Variants in KPNA3 observed in about 807,000 individuals in gnomAD.
KPNA3 encodes karyopherin subunit alpha 3.
In KPNA3, 13 loss-of-function variants were observed where a neutral mutation model predicts 73.8. That is an observed-to-expected ratio of 0.18 (90% confidence interval 0.11 to 0.28). The LOEUF is 0.28. KPNA3 is among the 10% of genes least tolerant of loss of function. The pLI, the probability that KPNA3 is intolerant of heterozygous loss-of-function variation, is 1.00. For synonymous variants in KPNA3, 186 were observed against 206.9 expected (o/e 0.90, Z 0.87); for missense variants, 360 against 618.1 (o/e 0.58, Z 4.43).
chr13:49,708,230 C>T (rs151255585), intron 12 of KPNA3, among the ~76,000 whole-genome samples: 2,992 of 152,132 alleles, frequency 0.02, 110 homozygotes, highest in African/African-American at 0.068. Flanking sequence ...CTCCTGACCT[C>T]GTGATCTGCC....
intron 1 of KPNA3, among the ~76,000 whole-genome samples, chr13:49,783,150 T>A (rs1289974949): frequency 6.6e-6 from 1 of 151,986 alleles, no homozygotes; most frequent in African/African-American, 2.4e-5. Context: ...TAATGGTGAT[T>A]CTCAAGAACC....
chr13:49,758,455 A>G (rs1594453049), intron 1 of KPNA3, among the ~76,000 whole-genome samples: 1 of 152,064 alleles, frequency 6.6e-6, no homozygotes, highest in Admixed American at 6.6e-5. Flanking sequence ...GAAAACTCCA[A>G]ACTGTTCTCG....
In KPNA3 at chr13:49,761,391, G is replaced by A. The variant is rs940233186; in HGVS notation, c.70-14398C>T. On this transcript the variant is annotated intron_variant, in intron 1 of 16. Coordinates refer to ENST00000261667, the MANE Select transcript of KPNA3 (RefSeq NM_002267.4). ...GTGCCTGCGATTGCAGGCGCACACC[G>A]CCACGCCTGACTGGTTTTCGTATTT... Among the ~76,000 whole-genome samples, 13 of 152,112 alleles carry A rather than the reference G, an allele frequency of 8.5e-5. No homozygotes were observed. The East Asian group carries it at 9.7e-4, about 11-fold the overall frequency.
intron 1 of KPNA3, among the ~76,000 whole-genome samples, chr13:49,780,064 T>TA (rs1162361551): frequency 6.6e-6 from 1 of 152,168 alleles, no homozygotes; most frequent in East Asian, 1.9e-4. Flanking sequence ...CCTGCTCCTC[T>TA]TTCCTTCTTA....
intron 2 of KPNA3, among the ~76,000 whole-genome samples, chr13:49,739,719 A>G (rs1268226471): frequency 6.6e-6 from 1 of 152,196 alleles, no homozygotes; most frequent in East Asian, 1.9e-4. Context: ...CAAGATAAGG[A>G]GCTTTTACCT....
intron 11 of KPNA3, 83 bp downstream of exon 11, chr13:49,710,808 T>A: frequency 1.6e-6 from 2 of 1,214,294 alleles, no homozygotes; most frequent in East Asian, 2.4e-5. Context: ...CACTTACAGA[T>A]AGAATTAAAG....
intron 1 of KPNA3, among the ~76,000 whole-genome samples, chr13:49,770,368 G>A (rs1227954276): frequency 6.6e-6 from 1 of 151,648 alleles, no homozygotes; most frequent in Non-Finnish European, 1.5e-5. Context: ...TAAAGACGAG[G>A]TCTCACTACA....
intron 1 of KPNA3, among the ~76,000 whole-genome samples, chr13:49,753,625 G>A (rs1954685368): frequency 6.6e-6 from 1 of 152,232 alleles, no homozygotes; most frequent in African/African-American, 2.4e-5. Context: ...AGTCCATATA[G>A]CCTGTTAGGA....
At chr13:49,718,991 T>C (rs954164104) in intron 10 of KPNA3, among the ~76,000 whole-genome samples, 1 of 151,870 alleles carries the variant, frequency 6.6e-6, no homozygotes, top group African/African-American at 2.4e-5. Flanking sequence ...AACACAAATA[T>C]ACAACAAATC....
chr13:49,707,896 G>A (rs1460094965), intron 12 of KPNA3, among the ~76,000 whole-genome samples: 5 of 152,034 alleles, frequency 3.3e-5, no homozygotes, highest in East Asian at 1.9e-4. Context: ...TTATGATGAC[G>A]AAGAAGAAAT....
At chr13:49,726,234 T>C (rs942879704) in intron 6 of KPNA3, among the ~76,000 whole-genome samples, 3 of 152,202 alleles carry the variant, frequency 2.0e-5, no homozygotes, top group African/African-American at 4.8e-5. Flanking sequence ...CTGTCTCCAT[T>C]ACACCATCTG....
chr13:49,733,037 C>T lies in KPNA3; in HGVS notation c.124G>A (p.Asp42Asn), dbSNP rs1211666156. The T allele has an allele frequency of 2.5e-6, 4 of 1,605,208 alleles. No individual in the cohort carries two copies. In the South Asian group the frequency reaches 4.4e-5, roughly 18 times the overall value. Residue 42 changes from aspartate (D) to asparagine (N), a missense_variant, in exon 3 of 17, where the codon GAT becomes AAT. Physicochemically the swap from Asp to Asn is conservative, Grantham distance 23. Transcript: ENST00000261667. Reference sequence around the variant, plus strand: ...TTTCTCTTTTTCAATAAGTGTTCATCTCTTTTGTTCTGAAAGGCAACCAAT... The same window carrying T: ...TTTCTCTTTTTCAATAAGTGTTCATTTCTTTTGTTCTGAAAGGCAACCAAT... ...VTVELRKNKR[D>N]EHLLKKRNVP...
intron 10 of KPNA3, among the ~76,000 whole-genome samples, chr13:49,717,657 TACA>T (rs1455607123): frequency 2.6e-5 from 4 of 152,196 alleles, no homozygotes; most frequent in Non-Finnish European, 5.9e-5. Flanking sequence ...CTGCTTCTTT[TACA>T]ACGTTTGTAG....
At chr13:49,721,870 G>T in intron 9 of KPNA3, 85 bp downstream of exon 9, 2 of 863,160 alleles carry the variant, frequency 2.3e-6, no homozygotes, top group African/African-American at 3.4e-5. Context: ...ATCAGTATAT[G>T]TATTATTTTG....
At chr13:49,766,157 G>A (rs1332883321) in intron 1 of KPNA3, among the ~76,000 whole-genome samples, 2 of 152,130 alleles carry the variant, frequency 1.3e-5, no homozygotes, top group Non-Finnish European at 2.9e-5. Flanking sequence ...CTCGTGTCAC[G>A]AAGCAGGCAG....
chr13:49,737,860 A>G (rs1254749236), intron 2 of KPNA3, among the ~76,000 whole-genome samples: 3 of 152,144 alleles, frequency 2.0e-5, no homozygotes, highest in Non-Finnish European at 2.9e-5. Context: ...TTTTCTTCCA[A>G]TATCTAACTT....
intron 1 of KPNA3, among the ~76,000 whole-genome samples, chr13:49,752,138 G>T (rs915934351): frequency 6.6e-6 from 1 of 152,182 alleles, no homozygotes; most frequent in Admixed American, 6.5e-5. Flanking sequence ...GTTGCAAATG[G>T]AAGGGATCTT....
intron 1 of KPNA3, among the ~76,000 whole-genome samples, chr13:49,790,638 G>A (rs1048741428): frequency 1.3e-5 from 2 of 152,280 alleles, no homozygotes; most frequent in South Asian, 2.1e-4. Context: ...ATGTAATGTT[G>A]TGACCAATAC....
intron 6 of KPNA3, among the ~76,000 whole-genome samples, chr13:49,730,309 G>A (rs944730251): frequency 6.6e-6 from 1 of 151,956 alleles, no homozygotes; most frequent in Non-Finnish European, 1.5e-5. Context: ...AAGGCAGGAG[G>A]ATCACCTGAT....
Sources: allele counts gnomAD v4.1 joint callset (sites outside exome capture counted in the v4.1 genomes callset), GRCh38; gene constraint gnomAD v4.1.1; transcripts MANE v1.5; gene names NCBI Gene and HGNC (gene_info 2026-07-23, HGNC 2026-07-21).